The following TOGARAM2 variants were observed in gnomAD, a reference collection of about 807,000 sequenced individuals.
TOGARAM2 encodes the protein TOG array regulator of axonemal microtubules protein 2.
A neutral mutation model predicts 93.3 loss-of-function variants in TOGARAM2; 85 were observed. The ratio of observed to expected loss-of-function variants is 0.91; its 90% CI spans 0.76 to 1.09. The LOEUF (loss-of-function observed/expected upper bound fraction) is 1.09. TOGARAM2 is among the 50% of genes least tolerant of loss of function. TOGARAM2 has a pLI of 0.00. For synonymous variants in TOGARAM2, 593 were observed against 552.8 expected, an observed-to-expected ratio of 1.07 and a Z score of -1.02; for missense variants, 1,277 against 1,334.5, an observed-to-expected ratio of 0.96 and a Z score of 0.67.
intron 8 of TOGARAM2, 68 bp downstream of exon 8, chr2:29,014,629 A>C: frequency 6.6e-7 from 1 of 1,516,864 alleles, no homozygotes; most frequent in South Asian, 1.3e-5. Flanking sequence ...AAGGCAAGCA[A>C]GTGTCTGAAG....
At chr2:29,004,949 T>TGA (rs1553338698) in intron 6 of TOGARAM2, among the ~76,000 whole-genome samples, 3,688 of 136,194 alleles carry the variant, frequency 0.027, 569 homozygotes, top group African/African-American at 0.1. Flanking sequence ...TGTGCATGTG[T>TGA]GTGCATGTGT....
intron 1 of TOGARAM2, among the ~76,000 whole-genome samples, chr2:28,991,765 TG>T (rs1672743854): frequency 1.3e-5 from 2 of 152,306 alleles, no homozygotes; most frequent in East Asian, 1.9e-4. Context: ...AGCTAGCTTT[TG>T]TTCCCTTTCC....
chr2:29,009,325 G>A (rs1271219731), intron 6 of TOGARAM2, among the ~76,000 whole-genome samples: 4 of 152,350 alleles, frequency 2.6e-5, no homozygotes, highest in Middle Eastern at 3.4e-3. Flanking sequence ...AGAAGTGGGA[G>A]CTTCATCCTC....
rs75360375 is a variant in TOGARAM2 at position 29,010,530 on chromosome 2, G to C, written c.831-925G>C. On this transcript the variant is annotated intron_variant, in intron 6 of 19. Transcript: ENST00000379558. The stretch of plus-strand genomic sequence containing the variant: ...CCCTGCATCCAGGCAGGCACTGAGG[G>C]GGGCTGTCCTACCGCCCCTCCTGCA... Among the ~76,000 whole-genome samples the C allele has an allele frequency of 1.9e-3, 294 of 152,192 alleles. 1 individual carries two copies. Among genetic ancestry groups the C allele is most frequent in the African/African-American group, 6.4e-3 (267 of 41,510 alleles).
intron 17 of TOGARAM2, 74 bp downstream of exon 17, chr2:29,035,730 A>T: frequency 7.8e-7 from 1 of 1,282,182 alleles, no homozygotes; most frequent in Non-Finnish European, 1.0e-6. Flanking sequence ...GAAAACTCTG[A>T]ATGGCGTTGG....
At chr2:29,030,008 T>C (rs1665668521) in intron 14 of TOGARAM2, among the ~76,000 whole-genome samples, 1 of 152,218 alleles carries the variant, frequency 6.6e-6, no homozygotes, top group East Asian at 1.9e-4. Flanking sequence ...GTGCAGTGGC[T>C]CACATCTGTA....
At chr2:29,024,021 C>A in intron 12 of TOGARAM2, 118 bp from the exon 13 acceptor site, 2 of 828,948 alleles carry the variant, frequency 2.4e-6, no homozygotes, top group Admixed American at 2.6e-5. Context: ...CGTGGCAAGG[C>A]CTAGGTCAGG....
intron 1 of TOGARAM2, among the ~76,000 whole-genome samples, chr2:28,973,662 A>G (rs1398684701): frequency 6.6e-6 from 1 of 151,984 alleles, no homozygotes; most frequent in Non-Finnish European, 1.5e-5. Flanking sequence ...AGCTGCGACC[A>G]AAGGCATGCA....
At chr2:28,980,500 C>T (rs778227026), upstream of TOGARAM2, among the ~76,000 whole-genome samples, 2 of 152,230 alleles carry the variant, frequency 1.3e-5, no homozygotes, top group Admixed American at 1.3e-4. Flanking sequence ...TGCAAGCCTG[C>T]ATACAAATTG....
At chr2:29,025,530 C>T (rs1484566145) in intron 13 of TOGARAM2, among the ~76,000 whole-genome samples, 2 of 152,142 alleles carry the variant, frequency 1.3e-5, no homozygotes, top group Non-Finnish European at 2.9e-5. Flanking sequence ...TGATCACTGT[C>T]AACAAGAACC....
rs1437449355 is a variant in TOGARAM2 at position 29,024,159 on chromosome 2, G to A, written c.1638G>A (p.Lys546=). Residue 546 remains lysine, a synonymous_variant, in exon 13 of 20, where the codon AAG becomes AAA. Transcript: ENST00000379558. ...CCAAGGTCACCAACCTGCGGTCCAA[G>A]GTGTCTCACCTGGCCATCAGCACCT... ...VTGEVTNLRS[K]VSHLAISTLG... The A allele has an allele frequency of 2.5e-6, 4 of 1,585,722 alleles. No homozygotes were observed. Among genetic ancestry groups the A allele is most frequent in the Admixed American group, 1.8e-5 (1 of 55,860 alleles).
chr2:29,046,715 C>T (rs1474385253), intron 19 of TOGARAM2: 1 of 152,388 alleles, frequency 6.6e-6, no homozygotes, highest in African/African-American at 2.4e-5. Context: ...CACAAGGTCT[C>T]TTGGTGAGGA....
At chr2:28,957,422 C>T (rs1017270738) in intron 1 of TOGARAM2, among the ~76,000 whole-genome samples, 1 of 152,178 alleles carries the variant, frequency 6.6e-6, no homozygotes, top group Non-Finnish European at 1.5e-5. Context: ...CTCAGGTGAT[C>T]CGCCTGCCTC....
chr2:28,999,601 A>C (rs1396958282), intron 4 of TOGARAM2, 133 bp downstream of exon 4: 9 of 1,023,004 alleles, frequency 8.8e-6, no homozygotes, highest in Non-Finnish European at 1.3e-5. Flanking sequence ...GTGGGTACAT[A>C]CCAGGTACCT....
intron 4 of TOGARAM2, among the ~76,000 whole-genome samples, chr2:28,999,819 T>A (rs1024099977): frequency 9.9e-5 from 15 of 152,200 alleles, no homozygotes; most frequent in African/African-American, 3.6e-4. Flanking sequence ...TCCCAAATGT[T>A]CCCTTATGCA....
intron 13 of TOGARAM2, among the ~76,000 whole-genome samples, chr2:29,025,393 A>ATT (rs34100996): frequency 4.5e-4 from 67 of 150,298 alleles, no homozygotes; most frequent in South Asian, 1.3e-3. Context: ...AATGAATTGT[A>ATT]TTTTTTTTTT....
chr2:29,036,824 A>G (rs1666144532), intron 18 of TOGARAM2, 67 bp downstream of exon 18: 1 of 1,462,330 alleles, frequency 6.8e-7, no homozygotes, highest in Non-Finnish European at 9.4e-7. Flanking sequence ...GGAAATCTGC[A>G]AGGTGGATAA....
chr2:28,972,293 T>A (rs1671960676), intron 1 of TOGARAM2: 1 of 152,184 alleles, frequency 6.6e-6, no homozygotes, highest in African/African-American at 2.4e-5. Flanking sequence ...TTCACCATGT[T>A]GCCTAGGGTG....
Position 29,052,063 on chromosome 2 carries a change from T to G in TOGARAM2, c.3030T>G (p.Thr1010=). 2 of 1,600,704 alleles carry G rather than the reference T, an allele frequency of 1.2e-6. No individual in the cohort carries two copies. The highest frequency in any genetic ancestry group is 2.2e-5 in the South Asian group (2 of 90,570). Residue 1010 remains threonine, a synonymous_variant, in exon 20 of 20, where the codon ACT becomes ACG. Transcript: ENST00000379558. ...DRGVAPDSKT[T]GSSYPFQLD is the part of the protein sequence containing the mutation. ...GGGTGGCCCCTGACAGCAAGACAAC[T>G]GGCAGCTCATACCCTTTTCAGCTGG...
Sources: gnomAD v4.1 joint callset for allele counts (sites outside exome capture counted in the v4.1 genomes callset) on GRCh38, gnomAD v4.1.1 for gene constraint, MANE v1.5 for transcripts, NCBI Gene and HGNC (gene_info 2026-07-23, HGNC 2026-07-21) for gene names.